The following SUSD5 variants were observed in gnomAD, a reference collection of about 807,000 sequenced individuals.
SUSD5 encodes sushi domain containing 5.
In SUSD5, 33 loss-of-function variants were observed where a neutral mutation model predicts 29.5. That is an observed-to-expected ratio of 1.12 (90% CI 0.85 to 1.49). SUSD5 has a LOEUF of 1.49. SUSD5 is among the 40% of genes most tolerant of loss of function. The pLI is 0.00. For synonymous variants in SUSD5, 308 were observed against 325.3 expected, an observed-to-expected ratio of 0.95 and a Z score of 0.57; for missense variants, 776 against 800.6, an observed-to-expected ratio of 0.97 and a Z score of 0.37.
At chr3:33,194,988 A>C (rs550746293) in intron 3 of SUSD5, among the ~76,000 whole-genome samples, 1 of 152,332 alleles carries the variant, frequency 6.6e-6, no homozygotes, top group South Asian at 2.1e-4. Context: ...TGAGGTCACG[A>C]GTTCAAGACC....
chr3:33,214,154 A>C (rs1397660811), intron 1 of SUSD5, 49 bp from the exon 2 acceptor site: 4 of 1,524,028 alleles, frequency 2.6e-6, no homozygotes, highest in Non-Finnish European at 3.5e-6. Context: ...ATCCATGGGA[A>C]GTTAGTCTCA....
rs148403263 is a variant in SUSD5 at position 33,207,700 on chromosome 3, A to G, written c.409+108T>C. The G allele has an allele frequency of 8.7e-5, 57 of 652,922 alleles. No individual in the cohort carries two copies. The African/African-American group carries it at 9.7e-4, about 11-fold the overall frequency. 40.4% of individuals were successfully genotyped at this position (652,922 alleles called of 1,614,324 possible). ...TCTTTGGAAGACTTCCTGATAAACC[A>G]TGTCTAGTAAATCCTCACTTCAAGG... On this transcript the variant is annotated intron_variant, in intron 3 of 4. Transcript: ENST00000309558.
At chr3:33,159,922 G>A (rs556818695) in intron 4 of SUSD5, among the ~76,000 whole-genome samples, 105 of 152,266 alleles carry the variant, frequency 6.9e-4, no homozygotes, top group African/African-American at 2.4e-3. Flanking sequence ...ACCTGGCTTA[G>A]CTCCTAACCC....
intron 3 of SUSD5, among the ~76,000 whole-genome samples, chr3:33,191,324 G>T (rs879774949): frequency 6.6e-6 from 1 of 151,952 alleles, no homozygotes; most frequent in Admixed American, 6.5e-5. Context: ...TAGAGACAAG[G>T]TTTCACCGTG....
chr3:33,162,451 T>TA (rs1190463562), intron 4 of SUSD5, among the ~76,000 whole-genome samples: 1 of 151,530 alleles, frequency 6.6e-6, no homozygotes. Flanking sequence ...GAGAAATAAA[T>TA]AAAAAACAAA....
chr3:33,154,806 A>G (rs904093725), intron 4 of SUSD5, among the ~76,000 whole-genome samples: 1 of 152,228 alleles, frequency 6.6e-6, no homozygotes, highest in Non-Finnish European at 1.5e-5. Context: ...ATAGACCATG[A>G]TCATGTAGTA....
rs1230993587 is a variant in SUSD5 at position 33,150,548 on chromosome 3, T to TG, written c.*2193dup. The TG allele has an allele frequency of 1.3e-5, 2 of 152,208 alleles. No individual in the cohort carries two copies. The highest frequency in any genetic ancestry group is 6.5e-5 in the Admixed American group (1 of 15,282). The allele number at this position is 152,208 out of a possible 1,614,324, so 9.4% of individuals were successfully genotyped here. On this transcript the variant is annotated 3_prime_UTR_variant, in exon 5 of 5. Transcript: ENST00000309558. Reference sequence around the variant, plus strand: ...CTAATTTATAAATATATACAGTCTCTGGCTTTTATTCTATTATGTTTTGCT... The same window carrying TG: ...CTAATTTATAAATATATACAGTCTCTGGGCTTTTATTCTATTATGTTTTGCT...
At chr3:33,209,236 C>A (rs1213497873) in intron 2 of SUSD5, among the ~76,000 whole-genome samples, 1 of 152,114 alleles carries the variant, frequency 6.6e-6, no homozygotes, top group Non-Finnish European at 1.5e-5. Context: ...ATGATTCTTA[C>A]CAGTCTTACC....
At chr3:33,178,591 T>C (rs12629770) in intron 3 of SUSD5, among the ~76,000 whole-genome samples, 23,175 of 151,870 alleles carry the variant, frequency 0.15, 2,017 homozygotes, top group South Asian at 0.28. Flanking sequence ...GGACTACAGG[T>C]GCCCACCACC....
Position 33,180,121 on chromosome 3 carries a change from T to C in SUSD5, c.410-5047A>G, listed in dbSNP as rs1339433816. 2.0e-5 allele frequency among the ~76,000 whole-genome samples: 3 copies of C among 152,340 alleles called. No homozygotes were observed. The South Asian group carries it at 6.2e-4, about 32-fold the overall frequency. On this transcript the variant is annotated intron_variant, in intron 3 of 4. Transcript: ENST00000309558. Reference sequence around the variant, plus strand: ...CTTTAATCATTATTTTAGAGTGTACTACTACTTATTTTTAAAAAGTTAACT... The same window carrying C: ...CTTTAATCATTATTTTAGAGTGTACCACTACTTATTTTTAAAAAGTTAACT...
At position 33,206,412 on chromosome 3, in the gene SUSD5, AGTGTGTGTGTGTGTGTGTGT is replaced by A. The variant is rs5847777; in HGVS notation, c.409+1376_409+1395del. Among the ~76,000 whole-genome samples the A allele has an allele frequency of 9.6e-3, 1,431 of 148,678 alleles. 27 individuals are homozygous for A. The highest frequency in any genetic ancestry group is 0.033 in the African/African-American group (1,330 of 40,316). On this transcript the variant is annotated intron_variant, in intron 3 of 4. Transcript: ENST00000309558. The stretch of plus-strand genomic sequence containing the variant: ...TAAATAAAAATAAAAAATTTACTTG[AGTGTGTGTGTGTGTGTGTGT>A]GTGTGTGTGTGTGTGTGTGTATGTG...
Position 33,153,897 on chromosome 3 carries a change from T to G in SUSD5, c.735A>C (p.Pro245=), listed in dbSNP as rs750153353. 46 of 1,613,910 alleles carry G rather than the reference T, an allele frequency of 2.9e-5. No homozygotes were observed. Among genetic ancestry groups the G allele is most frequent in the Non-Finnish European group, 3.8e-5 (45 of 1,179,886 alleles). The change falls in exon 5 of 5, where the codon CCA becomes CCC. Residue 245 remains proline, a synonymous_variant. Transcript: ENST00000309558. ...AAATGGAGACCAGACGGTCCTGTTTTGGAGCCTCCTCAGAGGAGTCTCCCT... is the reference window on the plus strand; with the variant it reads ...AAATGGAGACCAGACGGTCCTGTTTGGGAGCCTCCTCAGAGGAGTCTCCCT... ...RGQGDSSEEA[P]KQDRLVSISV...
chr3:33,201,401 G>A (rs1264068085), intron 3 of SUSD5, among the ~76,000 whole-genome samples: 2 of 152,228 alleles, frequency 1.3e-5, no homozygotes, highest in East Asian at 3.8e-4. Flanking sequence ...CACAGAAGTG[G>A]AGAAGTCTGT....
intron 3 of SUSD5, among the ~76,000 whole-genome samples, chr3:33,205,411 T>G (rs1466975887): frequency 6.6e-6 from 1 of 152,206 alleles, no homozygotes; most frequent in Non-Finnish European, 1.5e-5. Context: ...AATTTTTCCT[T>G]GTGATTAGAT....
intron 3 of SUSD5, among the ~76,000 whole-genome samples, chr3:33,198,965 C>T (rs537216179): frequency 5.5e-4 from 83 of 152,150 alleles, no homozygotes; most frequent in African/African-American, 1.9e-3. Flanking sequence ...TTGAAGAAGG[C>T]CCAGTTCTAA....
intron 1 of SUSD5, among the ~76,000 whole-genome samples, chr3:33,217,892 A>G (rs2032452791): frequency 1.3e-5 from 2 of 152,180 alleles, no homozygotes; most frequent in South Asian, 4.1e-4. Flanking sequence ...TCCTGTACCA[A>G]GTCAGCGGGA....
At chr3:33,203,603 G>A (rs570303157) in intron 3 of SUSD5, among the ~76,000 whole-genome samples, 9 of 152,268 alleles carry the variant, frequency 5.9e-5, no homozygotes, top group East Asian at 1.9e-4. Context: ...CAGGTGTCAC[G>A]GGAGCCTTGG....
At chr3:33,178,572 G>A (rs1452871896) in intron 3 of SUSD5, among the ~76,000 whole-genome samples, 6 of 151,664 alleles carry the variant, frequency 4.0e-5, no homozygotes, top group Non-Finnish European at 7.4e-5. Context: ...TCAGCCTCCC[G>A]AGTAGCTGGG....
chr3:33,216,688 T>G (rs1453132519), intron 1 of SUSD5, among the ~76,000 whole-genome samples: 1 of 152,192 alleles, frequency 6.6e-6, no homozygotes, highest in African/African-American at 2.4e-5. Context: ...TTAGAAATAG[T>G]TTCTCTCCAA....
Sources: gnomAD v4.1 joint callset for allele counts (sites outside exome capture counted in the v4.1 genomes callset) on GRCh38, gnomAD v4.1.1 for gene constraint, MANE v1.5 for transcripts, NCBI Gene and HGNC (gene_info 2026-07-23, HGNC 2026-07-21) for gene names.